Variants in ALK observed in about 807,000 individuals in gnomAD.
ALK encodes ALK tyrosine kinase receptor.
Under a neutral mutation model 163.1 loss-of-function variants are expected in ALK, and 74 were observed. The observed-to-expected ratio is 0.45, with a 90% CI of 0.38 to 0.55. The LOEUF (loss-of-function observed/expected upper bound fraction) is 0.55. Ranked by LOEUF, ALK falls within the 20% of genes least tolerant of loss-of-function variation. The pLI is 0.00. For synonymous variants in ALK, 960 were observed against 843.2 expected (o/e 1.14, Z -2.40); for missense variants, 2,063 against 2,105.3 (o/e 0.98, Z 0.39).
intron 1 of ALK, among the ~76,000 whole-genome samples, chr2:29,885,701 G>A (rs1380732401): frequency 6.6e-6 from 1 of 152,156 alleles, no homozygotes; most frequent in African/African-American, 2.4e-5. Context: ...AGTGCCAGAT[G>A]ATGAGGAGGA....
chr2:29,401,992 C>T (rs1399144486), intron 4 of ALK, among the ~76,000 whole-genome samples: 1 of 152,110 alleles, frequency 6.6e-6, no homozygotes, highest in African/African-American at 2.4e-5. Flanking sequence ...TTTCTGGGAG[C>T]CGGGGCAGCT....
chr2:29,523,872 T>G lies in ALK; in HGVS notation c.1154+8043A>C, dbSNP rs908951633. ...AGAAGCTGAAGGTTTTTTTTTTTTT[T>G]TTTTTTTTTTTTTTTTTTTATGCCC... On this transcript the variant is annotated intron_variant, in intron 4 of 28. Transcript: ENST00000389048. Among the ~76,000 whole-genome samples the G allele has an allele frequency of 9.0e-5, 13 of 144,750 alleles. No individual in the cohort carries two copies. In the South Asian group the frequency reaches 1.6e-3, roughly 18 times the overall value. The allele number at this position is 144,750 out of a possible 152,430, so 95.0% of individuals were successfully genotyped here.
At chr2:29,243,315 T>C (rs901629802) in intron 12 of ALK, among the ~76,000 whole-genome samples, 2 of 152,216 alleles carry the variant, frequency 1.3e-5, no homozygotes, top group African/African-American at 4.8e-5. Flanking sequence ...TGTTACTCAC[T>C]AGCTGTGAGA....
intron 26 of ALK, 23 bp from the exon 27 acceptor site, chr2:29,197,699 G>A (rs1436675959): frequency 6.2e-7 from 1 of 1,602,530 alleles, no homozygotes; most frequent in Non-Finnish European, 8.5e-7. Context: ...CAGAGGACAT[G>A]GAGATGGATA....
At chr2:29,590,913 T>C (rs1465100514) in intron 3 of ALK, among the ~76,000 whole-genome samples, 1 of 150,946 alleles carries the variant, frequency 6.6e-6, no homozygotes, top group African/African-American at 2.4e-5. Context: ...CTACTAAAAA[T>C]ACAAAAAATT....
chr2:29,730,678 C>G (rs930688233), intron 1 of ALK, among the ~76,000 whole-genome samples: 9 of 152,164 alleles, frequency 5.9e-5, no homozygotes, highest in Non-Finnish European at 1.3e-4. Context: ...TCATGACACA[C>G]AGAGAAAATA....
At chr2:29,214,780 T>C (rs1265870558) in intron 23 of ALK, among the ~76,000 whole-genome samples, 1 of 152,178 alleles carries the variant, frequency 6.6e-6, no homozygotes, top group African/African-American at 2.4e-5. Context: ...GGCCTCTCTT[T>C]TAATTCCTAA....
chr2:29,831,335 A>G (rs1362672092), intron 1 of ALK, among the ~76,000 whole-genome samples: 1 of 142,432 alleles, frequency 7.0e-6, no homozygotes, highest in Non-Finnish European at 1.6e-5. Context: ...GTAGAGTTCC[A>G]GGACTTATCT....
chr2:29,725,113 C>A (rs1033585420), intron 1 of ALK, among the ~76,000 whole-genome samples: 2 of 127,356 alleles, frequency 1.6e-5, no homozygotes, highest in African/African-American at 3.1e-5. Flanking sequence ...TAGCATGGTG[C>A]CTACCCTTAG....
At chr2:29,268,075 G>T (rs1219802846) in intron 11 of ALK, among the ~76,000 whole-genome samples, 1 of 152,220 alleles carries the variant, frequency 6.6e-6, no homozygotes, top group African/African-American at 2.4e-5. Context: ...AAAGGCAATG[G>T]TTCCTGTCTG....
chr2:29,320,265 A>G (rs928024370), intron 7 of ALK, among the ~76,000 whole-genome samples: 26 of 152,044 alleles, frequency 1.7e-4, no homozygotes, highest in Non-Finnish European at 3.4e-4. Context: ...ATCAGGGGTG[A>G]GGTAGGGGGA....
At position 29,896,991 on chromosome 2, in the gene ALK, A is replaced by G. The variant is rs750331782; in HGVS notation, c.667+23002T>C. The stretch of plus-strand genomic sequence containing the variant: ...AAGCAGAGCTTAGATATAGATAGAC[A>G]TAGATGTAAATAGAGATCTACAATC... On this transcript the variant is annotated intron_variant, in intron 1 of 28. Coordinates refer to ENST00000389048, the MANE Select transcript of ALK (RefSeq NM_004304.5). Among the ~76,000 whole-genome samples, 3 of 151,662 alleles carry G rather than the reference A, an allele frequency of 2.0e-5. No homozygotes were observed. In the South Asian group the frequency reaches 6.2e-4, roughly 32 times the overall value.
intron 4 of ALK, among the ~76,000 whole-genome samples, chr2:29,403,703 T>C (rs1280109631): frequency 1.4e-5 from 1 of 69,596 alleles, no homozygotes; most frequent in Non-Finnish European, 2.4e-5. Flanking sequence ...GTGAGACAGG[T>C]CTCTACAAAA....
chr2:29,639,404 C>A (rs1307323966), intron 3 of ALK, among the ~76,000 whole-genome samples: 1 of 152,146 alleles, frequency 6.6e-6, no homozygotes, highest in Non-Finnish European at 1.5e-5. Flanking sequence ...AGATAGGAAC[C>A]CTCTGCAAGT....
chr2:29,643,739 A>T (rs1213262032), intron 3 of ALK, among the ~76,000 whole-genome samples: 1 of 152,158 alleles, frequency 6.6e-6, no homozygotes, highest in Non-Finnish European at 1.5e-5. Context: ...GAAATCTAGT[A>T]GTTTCCCAAC....
intron 5 of ALK, among the ~76,000 whole-genome samples, chr2:29,352,585 G>T (rs6727178): frequency 0.91 from 138,154 of 152,204 alleles, 62,756 homozygotes; most frequent in East Asian, 1. Context: ...TCTGGGAAAA[G>T]AGAGGTCCAG....
chr2:29,353,663 A>C (rs1668172411), intron 5 of ALK, among the ~76,000 whole-genome samples: 1 of 152,092 alleles, frequency 6.6e-6, no homozygotes, highest in South Asian at 2.1e-4. Flanking sequence ...AATGACCCAA[A>C]GGCAGTGTGT....
chr2:29,405,159 A>G (rs1004651251), intron 4 of ALK, among the ~76,000 whole-genome samples: 1 of 152,230 alleles, frequency 6.6e-6, no homozygotes, highest in Non-Finnish European at 1.5e-5. Context: ...GCCACCCTAC[A>G]CAATAATTAG....
In ALK at chr2:29,299,950, G is replaced by T. The variant is rs34123555; in HGVS notation, c.1648-2893C>A. On this transcript the variant is annotated intron_variant, in intron 8 of 28. Transcript: ENST00000389048. ...CTTACCCCTGCAGTTTTGGAAACAC[G>T]GTGGATTAGTGTCTGTCTCCTACCT... Among the ~76,000 whole-genome samples, 8 of 152,256 alleles carry T rather than the reference G, an allele frequency of 5.3e-5. No individual in the cohort carries two copies. The South Asian group carries it at 1.7e-3, about 32-fold the overall frequency.
Sources: allele counts gnomAD v4.1 joint callset (sites outside exome capture counted in the v4.1 genomes callset), GRCh38; gene constraint gnomAD v4.1.1; transcripts MANE v1.5; gene names NCBI Gene and HGNC (gene_info 2026-07-23, HGNC 2026-07-21).